Variants in SYNPR observed in about 807,000 individuals in gnomAD.
SYNPR encodes synaptoporin.
Under a neutral mutation model 32.9 loss-of-function variants are expected in SYNPR, and 23 were observed. That is an observed-to-expected ratio of 0.70 (90% confidence interval 0.50 to 0.99). The LOEUF is 0.99. Among genes scored for constraint, SYNPR ranks in the 50% least tolerant of loss-of-function variants. The pLI is 0.00. For missense variants in SYNPR, 318 were observed against 349.3 expected (o/e 0.91, Z 0.71); for synonymous variants, 146 against 135.9 (o/e 1.07, Z -0.52).
At chr3:63,444,824 A>G (rs1700243952) in intron 2 of SYNPR, among the ~76,000 whole-genome samples, 1 of 152,086 alleles carries the variant, frequency 6.6e-6, no homozygotes, top group Non-Finnish European at 1.5e-5. Flanking sequence ...TCAAAAATAC[A>G]CTAATCCCCC....
At chr3:63,336,883 AATT>A (rs2087302501) in intron 2 of SYNPR, among the ~76,000 whole-genome samples, 1 of 152,140 alleles carries the variant, frequency 6.6e-6, no homozygotes, top group South Asian at 2.1e-4. Context: ...ATATATAAAA[AATT>A]ATTAATACTC....
intron 2 of SYNPR, among the ~76,000 whole-genome samples, chr3:63,320,865 A>C (rs964840234): frequency 1.3e-5 from 2 of 152,112 alleles, no homozygotes; most frequent in African/African-American, 4.8e-5. Flanking sequence ...AAATGAAGTT[A>C]CACTACTCAG....
chr3:63,284,797 A>G (rs1309744485), intron 2 of SYNPR, among the ~76,000 whole-genome samples: 1 of 152,246 alleles, frequency 6.6e-6, no homozygotes, highest in Non-Finnish European at 1.5e-5. Context: ...CCATCATTTT[A>G]AACTCCTAAT....
intron 1 of SYNPR, among the ~76,000 whole-genome samples, chr3:63,251,154 G>C (rs1400129394): frequency 6.6e-6 from 1 of 151,696 alleles, no homozygotes. Flanking sequence ...AAAAATTAAA[G>C]AAAGCAAAAA....
At chr3:63,607,941 A>G (rs1029524893) in intron 4 of SYNPR, among the ~76,000 whole-genome samples, 11 of 152,182 alleles carry the variant, frequency 7.2e-5, no homozygotes, top group Non-Finnish European at 1.5e-5. Flanking sequence ...AAAGAAACAC[A>G]TGCCAAATTT....
intron 2 of SYNPR, among the ~76,000 whole-genome samples, chr3:63,419,005 T>A (rs2088575297): frequency 6.6e-6 from 1 of 152,228 alleles, no homozygotes; most frequent in Non-Finnish European, 1.5e-5. Flanking sequence ...GGGCAACATT[T>A]ATGTGACTGT....
intron 2 of SYNPR, among the ~76,000 whole-genome samples, chr3:63,433,015 C>A (rs985435766): frequency 6.6e-6 from 1 of 152,178 alleles, no homozygotes; most frequent in Admixed American, 6.5e-5. Context: ...TTATAAGCTG[C>A]TCGGGTGATT....
chr3:63,563,998 C>T (rs77904075), intron 4 of SYNPR, among the ~76,000 whole-genome samples: 5,239 of 148,992 alleles, frequency 0.035, 338 homozygotes, highest in African/African-American at 0.12. Flanking sequence ...AAAGACAACT[C>T]GAGAGCATCT....
chr3:63,345,064 T>C (rs1272453354), intron 2 of SYNPR, among the ~76,000 whole-genome samples: 1 of 152,192 alleles, frequency 6.6e-6, no homozygotes, highest in African/African-American at 2.4e-5. Flanking sequence ...AAGGGACAAT[T>C]AGGCAAATTA....
intron 2 of SYNPR, among the ~76,000 whole-genome samples, chr3:63,255,906 C>T (rs1275236423): frequency 1.3e-5 from 2 of 152,234 alleles, no homozygotes; most frequent in Non-Finnish European, 2.9e-5. Context: ...TAGCAAACGG[C>T]ACACCAGGAG....
chr3:63,328,892 G>T (rs11714718), intron 2 of SYNPR, among the ~76,000 whole-genome samples: 66,134 of 151,910 alleles, frequency 0.44, 14,585 homozygotes, highest in Middle Eastern at 0.52. Flanking sequence ...TTCTCAAATT[G>T]ACCGCCACAT....
At chr3:63,271,763 T>C (rs956824505) in intron 3 of SYNPR, among the ~76,000 whole-genome samples, 11 of 152,112 alleles carry the variant, frequency 7.2e-5, no homozygotes, top group African/African-American at 2.7e-4. Flanking sequence ...CTGTATTATA[T>C]AATCCTAGGA....
chr3:63,613,335 C>G (rs1159018325), intron 5 of SYNPR, among the ~76,000 whole-genome samples: 1 of 151,948 alleles, frequency 6.6e-6, no homozygotes, highest in African/African-American at 2.4e-5. Context: ...AGAGTTTTGT[C>G]AGTAGTTAAC....
intron 2 of SYNPR, among the ~76,000 whole-genome samples, chr3:63,398,826 C>T (rs2088252639): frequency 1.3e-5 from 2 of 152,152 alleles, no homozygotes; most frequent in African/African-American, 4.8e-5. Context: ...TGAGGAATAT[C>T]TGAGGGGACC....
intron 2 of SYNPR, among the ~76,000 whole-genome samples, chr3:63,387,144 C>G (rs892953755): frequency 2.3e-4 from 35 of 152,312 alleles, no homozygotes; most frequent in African/African-American, 8.2e-4. Context: ...AATGATCTAG[C>G]TTGATCGCCA....
intron 2 of SYNPR, among the ~76,000 whole-genome samples, chr3:63,293,196 G>A (rs2086757405): frequency 6.6e-6 from 1 of 152,134 alleles, no homozygotes; most frequent in Non-Finnish European, 1.5e-5. Flanking sequence ...AAGGTCACTT[G>A]CCTCAAGTCA....
chr3:63,494,832 A>G (rs569976564), intron 3 of SYNPR, among the ~76,000 whole-genome samples: 34 of 152,106 alleles, frequency 2.2e-4, no homozygotes, highest in African/African-American at 7.5e-4. Flanking sequence ...TCACCACCAT[A>G]CTGTAAAGAG....
the SYNPR span, among the ~76,000 whole-genome samples, chr3:63,211,358 T>C: frequency 0.77 from 117,234 of 152,070 alleles, 45,671 homozygotes; most frequent in Middle Eastern, 0.87. Context: ...TGAGCCACCG[T>C]GCCCGGCCAA....
chr3:63,510,915 C>CTGTGTGTGTGTGTG lies in SYNPR; in HGVS notation c.209+29966_209+29979dup, dbSNP rs755622968. ...GTAAATGAAAAGGCAAAAGGTACAA[C>CTGTGTGTGTGTGTG]TGTGTGTGTGTGTGTGTGTGCGCGC... On this transcript the variant is annotated intron_variant, in intron 3 of 5. Coordinates refer to ENST00000478300, the MANE Select transcript of SYNPR (RefSeq NM_001130003.2). Among the ~76,000 whole-genome samples the CTGTGTGTGTGTGTG allele has an allele frequency of 8.1e-3, 1,208 of 149,120 alleles. 9 individuals carry two copies. The highest frequency in any genetic ancestry group is 0.016 in the East Asian group (80 of 5,050).
Sources: gnomAD v4.1 joint callset for allele counts (sites outside exome capture counted in the v4.1 genomes callset) on GRCh38, gnomAD v4.1.1 for gene constraint, MANE v1.5 for transcripts, NCBI Gene and HGNC (gene_info 2026-07-23, HGNC 2026-07-21) for gene names.